Variants in STK24 observed in about 807,000 individuals in gnomAD.
STK24 encodes serine/threonine kinase 24, also known as serine/threonine-protein kinase 24.
In STK24, 21 loss-of-function variants were observed where a neutral mutation model predicts 55.6. That is an observed-to-expected ratio of 0.38 (90% CI 0.27 to 0.54). The LOEUF (loss-of-function observed/expected upper bound fraction) is 0.54, where lower values mean the gene tolerates loss of function less well. Among genes scored for constraint, STK24 ranks in the 20% least tolerant of loss-of-function variants. The pLI, the probability that STK24 is intolerant of heterozygous loss-of-function variation, is 0.79. For synonymous variants in STK24, 200 were observed against 215.2 expected, an observed-to-expected ratio of 0.93 and a Z score of 0.62; for missense variants, 383 against 538.4, an observed-to-expected ratio of 0.71 and a Z score of 2.86.
chr13:98,529,759 C>T (rs1443537708), intron 1 of STK24, among the ~76,000 whole-genome samples: 6 of 152,072 alleles, frequency 3.9e-5, no homozygotes, highest in Admixed American at 1.3e-4. Flanking sequence ...GGTCCTAACA[C>T]GAGGCTTCCA....
At chr13:98,524,042 C>G (rs953964686) in intron 1 of STK24, among the ~76,000 whole-genome samples, 7 of 152,226 alleles carry the variant, frequency 4.6e-5, no homozygotes, top group Middle Eastern at 3.4e-3. Context: ...GGCAGCCCGT[C>G]CACACCCAGC....
chr13:98,561,850 G>A (rs1420380298), intron 1 of STK24, among the ~76,000 whole-genome samples: 1 of 151,726 alleles, frequency 6.6e-6, no homozygotes, highest in African/African-American at 2.4e-5. Flanking sequence ...GGTGGCACGT[G>A]CCTGTAATCC....
At chr13:98,484,764 G>A (rs1894742774) in intron 2 of STK24, among the ~76,000 whole-genome samples, 1 of 151,902 alleles carries the variant, frequency 6.6e-6, no homozygotes, top group Non-Finnish European at 1.5e-5. Flanking sequence ...TTCTGGGGAC[G>A]TGCAAGCAAC....
intron 2 of STK24, among the ~76,000 whole-genome samples, chr13:98,486,816 G>A (rs1253437508): frequency 6.6e-6 from 1 of 152,198 alleles, no homozygotes; most frequent in Non-Finnish European, 1.5e-5. Flanking sequence ...TGAAACTCCT[G>A]CAGCAGGAAG....
At chr13:98,524,856 C>G (rs922325034) in intron 1 of STK24, among the ~76,000 whole-genome samples, 3 of 152,198 alleles carry the variant, frequency 2.0e-5, no homozygotes, top group Non-Finnish European at 4.4e-5. Flanking sequence ...TCCCAAAAGA[C>G]GTTTCCAGGC....
rs76699505 is a variant in STK24 at position 98,457,960 on chromosome 13, G to C, written c.1123-656C>G. 1.8e-3 allele frequency among the ~76,000 whole-genome samples: 275 copies of C among 152,244 alleles called. 4 individuals are homozygous for C. The highest frequency in any genetic ancestry group is 6.4e-3 in the African/African-American group (264 of 41,556). ...GTTTTCCTATTTCAACCATAACCTT[G>C]TACCAGAAAAGCAATTTCAAAGCCT... On this transcript the variant is annotated intron_variant, in intron 9 of 10. Coordinates refer to ENST00000539966, the MANE Select transcript of STK24 (RefSeq NM_001032296.4).
At chr13:98,546,721 A>G (rs79258755) in intron 1 of STK24, among the ~76,000 whole-genome samples, 8 of 152,178 alleles carry the variant, frequency 5.3e-5, no homozygotes, top group Non-Finnish European at 1.0e-4. Flanking sequence ...TCAGTTTCCA[A>G]TGAGATGTCA....
intron 3 of STK24, 94 bp downstream of exon 3, chr13:98,482,171 G>T (rs1894613907): frequency 7.8e-6 from 5 of 639,136 alleles, no homozygotes; most frequent in Non-Finnish European, 1.3e-5. Context: ...TTGAAAGAAA[G>T]AAAAAGAAAT....
chr13:98,545,148 T>A (rs1302359266), intron 1 of STK24, among the ~76,000 whole-genome samples: 2 of 152,220 alleles, frequency 1.3e-5, no homozygotes, highest in African/African-American at 4.8e-5. Flanking sequence ...CAGGAATTGG[T>A]GCCCTTTTGG....
intron 2 of STK24, among the ~76,000 whole-genome samples, chr13:98,502,373 G>A (rs532913177): frequency 6.6e-6 from 1 of 152,294 alleles, no homozygotes; most frequent in South Asian, 2.1e-4. Flanking sequence ...TAAAGCCCTA[G>A]AAACAGGGTC....
Position 98,446,085 on chromosome 13 carries a change from C to T in STK24, c.*7088G>A, listed in dbSNP as rs761083139. On this transcript the variant is annotated 3_prime_UTR_variant, in exon 11 of 11. Coordinates refer to ENST00000539966, the MANE Select transcript of STK24 (RefSeq NM_001032296.4). The stretch of plus-strand genomic sequence containing the variant: ...TGCCCGCTGTGCTTCTCACAGGCCT[C>T]CTTGCCTTTCAGAATCAGTTGTCTG... 1.3e-5 allele frequency: 20 copies of T among 1,596,632 alleles called. No individual in the cohort carries two copies. In the Admixed American group the frequency reaches 3.2e-4, roughly 25 times the overall value.
chr13:98,480,143 G>C (rs903358627), intron 3 of STK24, among the ~76,000 whole-genome samples: 2 of 152,232 alleles, frequency 1.3e-5, no homozygotes, highest in Non-Finnish European at 2.9e-5. Flanking sequence ...CAGTTTGCTG[G>C]AAGTCTCACA....
At chr13:98,567,691 C>T (rs931659459) in intron 1 of STK24, among the ~76,000 whole-genome samples, 12 of 152,162 alleles carry the variant, frequency 7.9e-5, no homozygotes, top group African/African-American at 2.7e-4. Flanking sequence ...TCTTGCCCGC[C>T]GCCCTGGCCC....
chr13:98,526,902 C>G lies in STK24; in HGVS notation c.43-7429G>C, dbSNP rs1594641323. ...TATGCAGGACCACTGTCCACAGGCGCGTTTTCATGAGACGCTTGCCAGGTG... is the reference window on the plus strand; with the variant it reads ...TATGCAGGACCACTGTCCACAGGCGGGTTTTCATGAGACGCTTGCCAGGTG... On this transcript the variant is annotated intron_variant, in intron 1 of 10. Transcript: ENST00000539966. 4.6e-5 allele frequency among the ~76,000 whole-genome samples: 7 copies of G among 152,262 alleles called. No homozygotes were observed. The South Asian group carries it at 1.4e-3, about 32-fold the overall frequency.
chr13:98,524,233 C>T (rs1026677112), intron 1 of STK24, among the ~76,000 whole-genome samples: 7 of 152,000 alleles, frequency 4.6e-5, no homozygotes, highest in Admixed American at 4.6e-4. Context: ...GTGTCTACAC[C>T]CCCACCCCCC....
chr13:98,483,970 T>TA (rs1346594843), intron 2 of STK24, among the ~76,000 whole-genome samples: 1 of 152,246 alleles, frequency 6.6e-6, no homozygotes, highest in Non-Finnish European at 1.5e-5. Context: ...CCTTGACTGC[T>TA]AAGATAATAA....
intron 5 of STK24, among the ~76,000 whole-genome samples, chr13:98,469,535 C>A (rs964123079): frequency 1.4e-4 from 12 of 86,336 alleles, no homozygotes; most frequent in Admixed American, 1.1e-3. Context: ...GACCCTGCAT[C>A]CCCCCCCCCA....
Position 98,477,364 on chromosome 13 carries a change from C to T in STK24, c.331-2006G>A, listed in dbSNP as rs1438480725. Among the ~76,000 whole-genome samples the T allele has an allele frequency of 2.0e-5, 3 of 152,114 alleles. No homozygotes were observed. The East Asian group carries it at 5.8e-4, about 29-fold the overall frequency. On this transcript the variant is annotated intron_variant, in intron 3 of 10. Transcript: ENST00000539966. ...ATGCTGGAGTGCAGGAGAATCCAGT[C>T]GACCAAAGATCAAAGTCATGTTAGA...
chr13:98,522,062 C>A, intron 1 of STK24: 3 of 1,388,178 alleles, frequency 2.2e-6, no homozygotes, highest in Non-Finnish European at 2.8e-6. Context: ...CCTGCCCGGT[C>A]CTCCCCACCA....
Sources: allele counts gnomAD v4.1 joint callset (sites outside exome capture counted in the v4.1 genomes callset), GRCh38; gene constraint gnomAD v4.1.1; transcripts MANE v1.5; gene names NCBI Gene and HGNC (gene_info 2026-07-23, HGNC 2026-07-21).